PALD1: variants seen among roughly 807,000 people sequenced by gnomAD.
PALD1 encodes paladin.
Under a neutral mutation model 96.0 loss-of-function variants are expected in PALD1, and 57 were observed. The observed-to-expected ratio is 0.59, with a 90% CI of 0.48 to 0.74. PALD1 has a LOEUF of 0.74. Among genes scored for constraint, PALD1 ranks in the 30% least tolerant of loss-of-function variants. The probability of loss-of-function intolerance (pLI) is 0.00; values close to 1 mark genes in which losing one functional copy is unlikely to be tolerated. For synonymous variants in PALD1, 464 were observed against 473.6 expected (o/e 0.98, Z 0.26); for missense variants, 1,063 against 1,143.7 (o/e 0.93, Z 1.02).
chr10:70,505,948 C>T (rs1208506103), intron 1 of PALD1, among the ~76,000 whole-genome samples: 5 of 151,904 alleles, frequency 3.3e-5, no homozygotes, highest in African/African-American at 4.8e-5. Flanking sequence ...AGCTTGAGCC[C>T]GGGTTGAGGA....
intron 1 of PALD1, among the ~76,000 whole-genome samples, chr10:70,502,876 TTTCTC>T (rs1846324661): frequency 6.6e-6 from 1 of 152,094 alleles, no homozygotes; most frequent in African/African-American, 2.4e-5. Context: ...TCTCTTCTCT[TTTCTC>T]TTCTCTCTTT....
At chr10:70,541,398 C>A in intron 16 of PALD1, 65 bp from the exon 17 acceptor site, 1 of 1,557,144 alleles carries the variant, frequency 6.4e-7, no homozygotes, top group Non-Finnish European at 8.8e-7. Context: ...GCCCCCAAGT[C>A]CTCCCCAGCA....
At chr10:70,507,926 T>C (rs1846426577) in intron 1 of PALD1, among the ~76,000 whole-genome samples, 2 of 152,250 alleles carry the variant, frequency 1.3e-5, no homozygotes. Flanking sequence ...GCCCTGAGGA[T>C]GCCAGTGAAG....
chr10:70,466,909 C>T, the PALD1 span, among the ~76,000 whole-genome samples: 1 of 152,162 alleles, frequency 6.6e-6, no homozygotes, highest in Non-Finnish European at 1.5e-5. Flanking sequence ...CCACAGCCAC[C>T]CCAGCCCCAC....
At chr10:70,562,223 G>A (rs376867809) in intron 18 of PALD1, among the ~76,000 whole-genome samples, 18 of 152,156 alleles carry the variant, frequency 1.2e-4, no homozygotes, top group Admixed American at 5.9e-4. Context: ...TGGTCCCCTC[G>A]CCCCTCTTGG....
chr10:70,523,247 G>C (rs1394640848), intron 1 of PALD1, among the ~76,000 whole-genome samples: 1 of 152,204 alleles, frequency 6.6e-6, no homozygotes, highest in Admixed American at 6.5e-5. Context: ...GGCAGGCAGG[G>C]GAGGAGAGGC....
At chr10:70,523,421 CAT>C (rs1589194003) in intron 1 of PALD1, among the ~76,000 whole-genome samples, 1 of 152,276 alleles carries the variant, frequency 6.6e-6, no homozygotes. Context: ...TGTTCCCACA[CAT>C]GTCTTTTTGG....
intron 10 of PALD1, among the ~76,000 whole-genome samples, chr10:70,536,954 T>TG (rs1847127218): frequency 6.6e-6 from 1 of 152,188 alleles, no homozygotes; most frequent in African/African-American, 2.4e-5. Flanking sequence ...TTGGGGAATC[T>TG]GGCTCTGTTT....
intron 18 of PALD1, among the ~76,000 whole-genome samples, chr10:70,556,719 A>G (rs1168075150): frequency 6.6e-6 from 1 of 152,172 alleles, no homozygotes; most frequent in Non-Finnish European, 1.5e-5. Context: ...ACATCCATTG[A>G]GCAGCTATGG....
chr10:70,476,831 C>A (rs968796996), upstream of PALD1, among the ~76,000 whole-genome samples: 2 of 152,104 alleles, frequency 1.3e-5, no homozygotes, highest in Non-Finnish European at 2.9e-5. Flanking sequence ...GCTAGAGAGG[C>A]ACACCGCCGT....
At chr10:70,547,245 G>C in intron 17 of PALD1, 61 bp from the exon 18 acceptor site, 1 of 1,528,962 alleles carries the variant, frequency 6.5e-7, no homozygotes, top group Non-Finnish European at 9.1e-7. Flanking sequence ...TGCAAGCCTG[G>C]TGCTTGGGCT....
At chr10:70,563,146 AGTTCCTCAT>A (rs1847775631) in intron 18 of PALD1, among the ~76,000 whole-genome samples, 1 of 152,126 alleles carries the variant, frequency 6.6e-6, no homozygotes, top group African/African-American at 2.4e-5. Flanking sequence ...TGCATTTTAA[AGTTCCTCAT>A]GTTTCTCATG....
intron 1 of PALD1, among the ~76,000 whole-genome samples, chr10:70,500,380 C>G (rs1379366505): frequency 6.6e-6 from 1 of 152,182 alleles, no homozygotes; most frequent in Non-Finnish European, 1.5e-5. Context: ...TCACACCCCG[C>G]AGAGCAACAC....
intron 1 of PALD1, among the ~76,000 whole-genome samples, chr10:70,518,370 G>T (rs1846658689): frequency 6.6e-6 from 1 of 152,160 alleles, no homozygotes; most frequent in South Asian, 2.1e-4. Flanking sequence ...GAGTGGAATT[G>T]CCGGGTCATA....
Position 70,534,863 on chromosome 10 carries a change from G to A in PALD1, c.1227+20G>A, listed in dbSNP as rs370769340. 392 of 1,486,466 alleles carry A rather than the reference G, an allele frequency of 2.6e-4. No homozygotes were observed. The highest frequency in any genetic ancestry group is 3.3e-4 in the Non-Finnish European group (357 of 1,068,050). The allele number at this position is 1,486,466 out of a possible 1,614,324, so 92.1% of individuals were successfully genotyped here. A position where few individuals can be genotyped will look rare whatever the true frequency, so the allele number is the denominator to read the frequency against. ...GCCCAGGTGAGGCATGGAAGGACGT[G>A]TGAGCACTCTGCTTCTCTGTGAGCC... On this transcript the variant is annotated intron_variant, in intron 10 of 19. Coordinates refer to ENST00000263563, the MANE Select transcript of PALD1 (RefSeq NM_014431.3).
chr10:70,497,760 A>C (rs1424694545), intron 1 of PALD1, among the ~76,000 whole-genome samples: 1 of 151,972 alleles, frequency 6.6e-6, no homozygotes, highest in Non-Finnish European at 1.5e-5. Context: ...TATTTTTAGT[A>C]GAAACAGCGT....
chr10:70,532,228 G>C (rs543165813), intron 5 of PALD1, among the ~76,000 whole-genome samples: 1 of 152,276 alleles, frequency 6.6e-6, no homozygotes, highest in African/African-American at 2.4e-5. Context: ...TGGGGTCCCA[G>C]TGTCCCCAGA....
intron 1 of PALD1, among the ~76,000 whole-genome samples, chr10:70,482,165 C>T (rs1199362851): frequency 2.0e-5 from 3 of 152,144 alleles, no homozygotes; most frequent in African/African-American, 7.2e-5. Flanking sequence ...GTGGGCCAGG[C>T]ACCTCTCCTG....
chr10:70,530,922 G>C (rs933311910), intron 4 of PALD1, among the ~76,000 whole-genome samples: 11 of 152,140 alleles, frequency 7.2e-5, no homozygotes, highest in South Asian at 2.1e-4. Flanking sequence ...CACCATGCTA[G>C]GACACCATGC....
Sources: allele counts gnomAD v4.1 joint callset (sites outside exome capture counted in the v4.1 genomes callset), GRCh38; gene constraint gnomAD v4.1.1; transcripts MANE v1.5; gene names NCBI Gene and HGNC (gene_info 2026-07-23, HGNC 2026-07-21).